The following CD180 variants were observed in gnomAD, a reference collection of about 807,000 sequenced individuals.
CD180 encodes CD180 molecule, also known as CD180 antigen.
Under a neutral mutation model 10.7 loss-of-function variants are expected in CD180, and 11 were observed. That is an observed-to-expected ratio of 1.03 (90% CI 0.65 to 1.70). CD180 has a LOEUF of 1.70. CD180 is among the 40% of genes most tolerant of loss of function. CD180 has a pLI of 0.00. For missense variants in CD180, 729 were observed against 775.2 expected, an observed-to-expected ratio of 0.94 and a Z score of 0.71; for synonymous variants, 286 against 294.6, an observed-to-expected ratio of 0.97 and a Z score of 0.30.
intron 2 of CD180, 28 bp downstream of exon 2, chr5:67,185,823 A>G: frequency 1.3e-6 from 2 of 1,514,020 alleles, no homozygotes; most frequent in South Asian, 1.3e-5. Context: ...ATAAAATAAA[A>G]GAGCACACAA....
At position 67,182,825 on chromosome 5, in the gene CD180, C is replaced by T. The variant is rs760121114; in HGVS notation, c.*32G>A. The T allele has an allele frequency of 6.5e-6, 10 of 1,544,484 alleles. No individual in the cohort carries two copies. In the East Asian group the frequency reaches 1.4e-4, roughly 21 times the overall value. ...TCACTTAGAGCAATTTTGCTAAGCA[C>T]ACTTATTTGCTTTCTCTGGAAACCT... On this transcript the variant is annotated 3_prime_UTR_variant, in exon 3 of 3. Transcript: ENST00000256447.
Position 67,182,472 on chromosome 5 carries a change from C to A in CD180, c.*385G>T. The A allele has an allele frequency of 6.2e-6, 1 of 161,446 alleles. No homozygotes were observed. The allele number at this position is 161,446 out of a possible 1,614,324, so 10.0% of individuals were successfully genotyped here. On this transcript the variant is annotated 3_prime_UTR_variant, in exon 3 of 3. Transcript: ENST00000256447. ...CTGACAAATTGTGGGGGCTGATGAT[C>A]TCCTTTCAGGGGCGGGGTGTGTGGT...
rs1211331058 is a variant in CD180 at position 67,180,078 on chromosome 5, G to C, written c.*2779C>G. ...ACAAGCTCCCTTTCTGACTTTGTGG[G>C]GTGAATTTACTGTTGCTTAAAACAG... On this transcript the variant is annotated 3_prime_UTR_variant, in exon 3 of 3. Transcript: ENST00000256447. 1 of 152,196 alleles carries C rather than the reference G, an allele frequency of 6.6e-6. No individual in the cohort carries two copies. Among genetic ancestry groups the C allele is most frequent in the African/African-American group, 2.4e-5 (1 of 41,446 alleles). The allele number at this position is 152,196 out of a possible 1,614,324, so 9.4% of individuals were successfully genotyped here.
Position 67,185,287 on chromosome 5 carries a change from T to A in CD180, c.257+564A>T, listed in dbSNP as rs991142555. ...AGGTACACGCAGAGCCTGTCCCCTC[T>A]TACACACACACACACACACACACAC... On this transcript the variant is annotated intron_variant, in intron 2 of 2. Transcript: ENST00000256447. 5.5e-3 allele frequency among the ~76,000 whole-genome samples: 240 copies of A among 43,432 alleles called. 1 individual carries two copies. In the South Asian group the frequency reaches 0.056, roughly 10 times the overall value. 28.5% of individuals were successfully genotyped at this position (43,432 alleles called of 152,430 possible).
At chr5:67,192,066 AG>A (rs1742316957) in intron 1 of CD180, among the ~76,000 whole-genome samples, 1 of 152,210 alleles carries the variant, frequency 6.6e-6, no homozygotes, top group Admixed American at 6.5e-5. Flanking sequence ...CTGAAAATAC[AG>A]GAAAAAAATA....
chr5:67,185,288 TACACACACACACAC>T (rs138274022), intron 2 of CD180, among the ~76,000 whole-genome samples: 5 of 130,072 alleles, frequency 3.8e-5, no homozygotes, highest in Non-Finnish European at 8.1e-5. Context: ...TGTCCCCTCT[TACACACACACACAC>T]ACACACACAC....
chr5:67,192,671 C>A (rs370643183), intron 1 of CD180, among the ~76,000 whole-genome samples: 26 of 152,200 alleles, frequency 1.7e-4, no homozygotes, highest in African/African-American at 5.8e-4. Context: ...ACCAAGACAG[C>A]ACCAAGCTGT....
chr5:67,185,328 C>CAT (rs60963283), intron 2 of CD180, among the ~76,000 whole-genome samples: 260 of 133,254 alleles, frequency 2.0e-3, no homozygotes, highest in Non-Finnish European at 3.3e-3. Context: ...CACACACACA[C>CAT]GCAGTATAGC....
At position 67,186,848 on chromosome 5, in the gene CD180, C is replaced by CTGTGTGTGTGTGTGTGTGTG. The variant is rs56004314; in HGVS notation, c.91-851_91-832dup. Among the ~76,000 whole-genome samples the CTGTGTGTGTGTGTGTGTGTG allele has an allele frequency of 2.2e-3, 329 of 146,774 alleles. 1 individual carries two copies. Among genetic ancestry groups the CTGTGTGTGTGTGTGTGTGTG allele is most frequent in the African/African-American group, 8.1e-3 (319 of 39,416 alleles). On this transcript the variant is annotated intron_variant, in intron 1 of 2. Coordinates refer to ENST00000256447, the MANE Select transcript of CD180 (RefSeq NM_005582.3). ...TATGGAACAACTGACTTTGTTCTAT[C>CTGTGTGTGTGTGTGTGTGTG]TGTGTGTGTGTGTGTGTGTGTGTGT... is the stretch of plus-strand genomic sequence containing the variant.
chr5:67,192,261 G>T (rs1219843954), intron 1 of CD180, among the ~76,000 whole-genome samples: 42 of 152,116 alleles, frequency 2.8e-4, no homozygotes, highest in African/African-American at 9.4e-4. Context: ...GTGGTGGTGG[G>T]CGCCTGTAGT....
rs750097183 is a variant in CD180 at position 67,183,249 on chromosome 5, G to A, written c.1594C>T (p.Leu532=). ...AGAGAATCAATGCTGTCGCATGTCA[G>A]GCTGTTGTGGCTTAAGTCTACATGG... The part of the protein sequence containing the change: ...MSHVDLSHNS[L]TCDSIDSLSH... The change falls in exon 3 of 3, where the codon CTG becomes TTG. Residue 532 remains leucine, a synonymous_variant. Transcript: ENST00000256447. 1.2e-5 allele frequency: 20 copies of A among 1,614,024 alleles called. No homozygotes were observed. Among genetic ancestry groups the A allele is most frequent in the African/African-American group, 1.2e-4 (9 of 74,922 alleles).
At position 67,179,686 on chromosome 5, in the gene CD180, C is replaced by G. The variant is rs143953810; in HGVS notation, c.*3171G>C. ...GAGAGTTGGACAAATAAGAATGGCACGACAGTTTTCTGTCTTGGAATTTTA... is the reference window on the plus strand; with the variant it reads ...GAGAGTTGGACAAATAAGAATGGCAGGACAGTTTTCTGTCTTGGAATTTTA... On this transcript the variant is annotated 3_prime_UTR_variant, in exon 3 of 3. Coordinates refer to ENST00000256447, the MANE Select transcript of CD180 (RefSeq NM_005582.3). The G allele has an allele frequency of 1.3e-5, 2 of 152,186 alleles. No individual in the cohort carries two copies. Among genetic ancestry groups the G allele is most frequent in the Non-Finnish European group, 2.9e-5 (2 of 68,050 alleles). 9.4% of individuals were successfully genotyped at this position (152,186 alleles called of 1,614,324 possible). A position where few individuals can be genotyped will look rare whatever the true frequency, so the allele number is the denominator to read the frequency against.
chr5:67,183,763 G>C lies in CD180; in HGVS notation c.1080C>G (p.His360Gln). Residue 360 changes from histidine (H) to glutamine (Q), a missense_variant, in exon 3 of 3, where the codon CAC becomes CAG. Physicochemically the swap from His to Gln is conservative, Grantham distance 24. Transcript: ENST00000256447. The part of the protein sequence containing the change: ...LYIRGNVKKL[H>Q]LGVGCLEKLG... ...GTTTCTCCAAGCAGCCAACACCAAGGTGAAGTTTCTTCACGTTGCCTCTGA... is the reference window on the plus strand; with the variant it reads ...GTTTCTCCAAGCAGCCAACACCAAGCTGAAGTTTCTTCACGTTGCCTCTGA... 1 of 1,614,188 alleles carries C rather than the reference G, an allele frequency of 6.2e-7. No homozygotes were observed. Among genetic ancestry groups the C allele is most frequent in the East Asian group, 2.2e-5 (1 of 44,876 alleles).
intron 1 of CD180, among the ~76,000 whole-genome samples, chr5:67,193,056 T>C (rs1196463097): frequency 6.6e-6 from 1 of 152,214 alleles, no homozygotes; most frequent in Non-Finnish European, 1.5e-5. Flanking sequence ...TTTCTCTCTA[T>C]GGAGGCCAAG....
At chr5:67,187,343 T>C (rs1244282409) in intron 1 of CD180, among the ~76,000 whole-genome samples, 1 of 152,234 alleles carries the variant, frequency 6.6e-6, no homozygotes, top group East Asian at 1.9e-4. Context: ...TTAAAAAAAC[T>C]AGCAGGGTGG....
chr5:67,185,854 G>C lies in CD180; in HGVS notation c.254C>G (p.Thr85Ser), dbSNP rs1742182299. ...RLMNLTFLDLTRCQINWIHED... is the reference protein window; with the variant it reads ...RLMNLTFLDLSRCQINWIHED... ...CACAAATAACTCAGATACATACCTA[G>C]TTAAATCCAAAAAGGTAAGATTCAT... Residue 85 changes from threonine to serine, a missense_variant, in exon 2 of 3, where the codon ACT becomes AGT. Transcript: ENST00000256447. 6.3e-7 allele frequency: 1 copy of C among 1,592,944 alleles called. No individual in the cohort carries two copies. Among genetic ancestry groups the C allele is most frequent in the African/African-American group, 1.4e-5 (1 of 73,954 alleles).
intron 1 of CD180, among the ~76,000 whole-genome samples, chr5:67,191,727 G>C (rs1581829608): frequency 6.6e-6 from 1 of 151,898 alleles, no homozygotes; most frequent in South Asian, 2.1e-4. Flanking sequence ...ACATATATAG[G>C]GACACAAACA....
intron 1 of CD180, among the ~76,000 whole-genome samples, chr5:67,194,627 G>T (rs1293430949): frequency 5.9e-5 from 9 of 152,178 alleles, no homozygotes; most frequent in Non-Finnish European, 1.3e-4. Context: ...ACCTGGCGTG[G>T]CCAGTCTCAC....
intron 1 of CD180, among the ~76,000 whole-genome samples, chr5:67,188,051 T>A (rs1436774180): frequency 6.6e-6 from 1 of 151,944 alleles, no homozygotes; most frequent in Non-Finnish European, 1.5e-5. Context: ...ATGCCTGTAA[T>A]CCCAGCTATT....
Sources: gnomAD v4.1 joint callset for allele counts (sites outside exome capture counted in the v4.1 genomes callset) on GRCh38, gnomAD v4.1.1 for gene constraint, MANE v1.5 for transcripts, NCBI Gene and HGNC (gene_info 2026-07-23, HGNC 2026-07-21) for gene names.